CEP63: variants seen among roughly 807,000 people sequenced by gnomAD.
CEP63 encodes the protein centrosomal protein of 63 kDa.
In CEP63, 84 loss-of-function variants were observed where a neutral mutation model predicts 89.1. The observed-to-expected ratio is 0.94, with a 90% CI of 0.79 to 1.13. CEP63 has a LOEUF of 1.13. Among genes scored for constraint, CEP63 ranks in the 50% most tolerant of loss-of-function variants. The pLI, the probability that CEP63 is intolerant of heterozygous loss-of-function variation, is 0.00. For synonymous variants in CEP63, 267 were observed against 272.5 expected (o/e 0.98, Z 0.20); for missense variants, 838 against 813.3 (o/e 1.03, Z -0.37).
At chr3:134,624,509 T>C in the CEP63 span, among the ~76,000 whole-genome samples, 1 of 152,232 alleles carries the variant, frequency 6.6e-6, no homozygotes, top group Non-Finnish European at 1.5e-5. Context: ...AGCTCCTGCC[T>C]GGCTCCAATG....
At chr3:134,769,049 A>T in the CEP63 span, among the ~76,000 whole-genome samples, 1 of 152,166 alleles carries the variant, frequency 6.6e-6, no homozygotes, top group South Asian at 2.1e-4. Context: ...CAGGCCAGGG[A>T]GCTTGGACTT....
At position 134,524,828 on chromosome 3, in the gene CEP63, T is replaced by C. The variant is rs544024019; in HGVS notation, c.223-7017T>C. The stretch of plus-strand genomic sequence containing the variant: ...CTGCATCAATGTTCATCAATGATAT[T>C]GGCCTGAAGTTCTCTTTTTTTGTTG... On this transcript the variant is annotated intron_variant, in intron 3 of 14. Transcript: ENST00000675561. 3.3e-5 allele frequency among the ~76,000 whole-genome samples: 5 copies of C among 152,334 alleles called. No individual in the cohort carries two copies. In the South Asian group the frequency reaches 1.0e-3, roughly 32 times the overall value.
the CEP63 span, among the ~76,000 whole-genome samples, chr3:134,725,899 A>G: frequency 6.6e-6 from 1 of 152,206 alleles, no homozygotes; most frequent in Admixed American, 6.5e-5. Flanking sequence ...AGGGCAGCAG[A>G]GGCCACAGCC....
the CEP63 span, chr3:134,615,527 T>C: frequency 1.3e-4 from 20 of 152,094 alleles, 1 homozygote; most frequent in African/African-American, 4.6e-4. Flanking sequence ...GTGCACAATG[T>C]TGCACCAGCT....
At position 134,532,911 on chromosome 3, in the gene CEP63, A is replaced by G. The variant is rs1469418754; in HGVS notation, c.441+11A>G. 6.2e-7 allele frequency: 1 copy of G among 1,613,134 alleles called. No individual in the cohort carries two copies. The highest frequency in any genetic ancestry group is 8.5e-7 in the Non-Finnish European group (1 of 1,179,404). ...ACTGCAAAAATAGAGGTATGTTCATAGTAATAATTTGTTCATAGTGATTGT... is the reference window on the plus strand; with the variant it reads ...ACTGCAAAAATAGAGGTATGTTCATGGTAATAATTTGTTCATAGTGATTGT... On this transcript the variant is annotated intron_variant, in intron 5 of 14. Coordinates refer to ENST00000675561, the MANE Select transcript of CEP63 (RefSeq NM_001353108.3).
the CEP63 span, among the ~76,000 whole-genome samples, chr3:134,689,379 A>G: frequency 1.3e-5 from 2 of 152,196 alleles, no homozygotes; most frequent in Non-Finnish European, 2.9e-5. Flanking sequence ...GAGTCACATC[A>G]ATGGTGGAGT....
chr3:134,507,077 C>T (rs1484661570), intron 2 of CEP63, 32 bp from the exon 3 acceptor site: 1 of 1,577,994 alleles, frequency 6.3e-7, no homozygotes, highest in African/African-American at 1.3e-5. Flanking sequence ...AACATATCTT[C>T]TGTTTTTTTA....
chr3:134,486,315 T>C (rs1043016497), intron 1 of CEP63, 113 bp downstream of exon 1: 1 of 985,538 alleles, frequency 1.0e-6, no homozygotes, highest in Non-Finnish European at 1.2e-6. Flanking sequence ...CCAGGCTGCC[T>C]TGGTGATTCT....
chr3:134,693,407 A>G, the CEP63 span, among the ~76,000 whole-genome samples: 1 of 151,820 alleles, frequency 6.6e-6, no homozygotes, highest in Non-Finnish European at 1.5e-5. Context: ...GGAGCTGCCA[A>G]AAAAGTTTTG....
At chr3:134,520,968 G>GA (rs1947312285) in intron 3 of CEP63, among the ~76,000 whole-genome samples, 1 of 152,106 alleles carries the variant, frequency 6.6e-6, no homozygotes, top group African/African-American at 2.4e-5. Context: ...AGTAGGGAAA[G>GA]ATTTCTTAAA....
At position 134,549,619 on chromosome 3, in the gene CEP63, C is replaced by T. The variant is rs1272056674; in HGVS notation, c.1182+443C>T. On this transcript the variant is annotated intron_variant, in intron 10 of 14. Transcript: ENST00000675561. ...GCTGTTTGTGTCTATATGAATGGGC[C>T]CTAACTGTCCTATTTGTTTGATTTG... Among the ~76,000 whole-genome samples, 3 of 152,040 alleles carry T rather than the reference C, an allele frequency of 2.0e-5. No individual in the cohort carries two copies. In the East Asian group the frequency reaches 5.8e-4, roughly 29 times the overall value.
chr3:134,615,349 C>CTTTTTTTTTTTT, the CEP63 span: 1 of 96,156 alleles, frequency 1.0e-5, no homozygotes, highest in Non-Finnish European at 2.0e-5. Flanking sequence ...GTTCAAGAAG[C>CTTTTTTTTTTTT]TTTTTTTTTT....
chr3:134,527,393 C>G (rs984286534), intron 3 of CEP63, among the ~76,000 whole-genome samples: 1 of 152,088 alleles, frequency 6.6e-6, no homozygotes, highest in African/African-American at 2.4e-5. Context: ...TTCACTCCTG[C>G]GGCAGTGTTG....
chr3:134,580,897 TAATC>T (rs1958330803), intron 10 of CEP63, among the ~76,000 whole-genome samples: 1 of 152,230 alleles, frequency 6.6e-6, no homozygotes, highest in African/African-American at 2.4e-5. Flanking sequence ...CCAATGTAAT[TAATC>T]AGCTAACCTT....
chr3:134,763,072 TTCTC>T, the CEP63 span, among the ~76,000 whole-genome samples: 9 of 152,182 alleles, frequency 5.9e-5, no homozygotes, highest in South Asian at 2.1e-4. Context: ...ATATTTTTTT[TTCTC>T]TCTCTCTTTT....
chr3:134,520,384 G>GA (rs1947189827), intron 3 of CEP63, among the ~76,000 whole-genome samples: 1 of 152,108 alleles, frequency 6.6e-6, no homozygotes, highest in South Asian at 2.1e-4. Context: ...CCTCTGCACA[G>GA]AAAGCTCTAA....
the CEP63 span, chr3:134,647,585 C>T: frequency 1.3e-6 from 1 of 749,542 alleles, no homozygotes. Context: ...TATGGTAGAG[C>T]AGGTGGATCT....
the CEP63 span, among the ~76,000 whole-genome samples, chr3:134,707,392 G>A: frequency 6.6e-6 from 1 of 152,206 alleles, no homozygotes; most frequent in Non-Finnish European, 1.5e-5. Context: ...AGGAGTACAA[G>A]GTACAGGGGC....
chr3:134,781,549 G>C, the CEP63 span, among the ~76,000 whole-genome samples: 2 of 151,900 alleles, frequency 1.3e-5, no homozygotes, highest in South Asian at 4.1e-4. Context: ...TACCCATCAG[G>C]GTACTACGCT....
Sources: gnomAD v4.1 joint callset for allele counts (sites outside exome capture counted in the v4.1 genomes callset) on GRCh38, gnomAD v4.1.1 for gene constraint, MANE v1.5 for transcripts, NCBI Gene and HGNC (gene_info 2026-07-23, HGNC 2026-07-21) for gene names.